The following CNTNAP2 variants were observed in gnomAD, a reference collection of about 807,000 sequenced individuals.
The protein encoded by CNTNAP2 is contactin associated protein 2.
CNTNAP2 carries 98 observed loss-of-function variants against 155.2 expected under a neutral mutation model. The observed-to-expected ratio is 0.63, with a 90% CI of 0.54 to 0.75. The LOEUF (loss-of-function observed/expected upper bound fraction) is 0.75, where lower values mean the gene tolerates loss of function less well. Among genes scored for constraint, CNTNAP2 ranks in the 30% least tolerant of loss-of-function variants. The pLI is 0.00. For missense variants in CNTNAP2, 1,727 were observed against 1,688.1 expected (o/e 1.02, Z -0.40); for synonymous variants, 651 against 631.2 (o/e 1.03, Z -0.47).
intron 14 of CNTNAP2, among the ~76,000 whole-genome samples, chr7:147,942,497 G>A (rs1463212350): frequency 2.0e-5 from 3 of 152,210 alleles, no homozygotes; most frequent in East Asian, 3.9e-4. Flanking sequence ...TTTAATATTC[G>A]TAGGAAGCCT....
chr7:146,295,130 A>G (rs1287525951), intron 1 of CNTNAP2, among the ~76,000 whole-genome samples: 1 of 152,204 alleles, frequency 6.6e-6, no homozygotes, highest in Admixed American at 6.5e-5. Flanking sequence ...GTAGTCAGTC[A>G]TAGTCACTAC....
chr7:148,006,993 A>T (rs1801994739), intron 15 of CNTNAP2, among the ~76,000 whole-genome samples: 1 of 152,174 alleles, frequency 6.6e-6, no homozygotes, highest in Non-Finnish European at 1.5e-5. Context: ...TGTGCCTCTG[A>T]TTGGCCTTAT....
chr7:146,568,630 C>A (rs1355134323), intron 1 of CNTNAP2, among the ~76,000 whole-genome samples: 1 of 152,126 alleles, frequency 6.6e-6, no homozygotes, highest in Admixed American at 6.5e-5. Flanking sequence ...CATACAGATT[C>A]TTGATTCAAA....
chr7:146,638,041 T>C (rs1799628377), intron 1 of CNTNAP2, among the ~76,000 whole-genome samples: 1 of 152,220 alleles, frequency 6.6e-6, no homozygotes, highest in Non-Finnish European at 1.5e-5. Context: ...TAACCCATGC[T>C]GTGTAGGCAG....
Position 148,377,310 on chromosome 7 carries a change from G to A in CNTNAP2, c.3476-6339G>A, listed in dbSNP as rs752081734. Among the ~76,000 whole-genome samples, 4 of 67,060 alleles carry A rather than the reference G, an allele frequency of 6.0e-5. 2 individuals are homozygous for A. The Admixed American group carries it at 8.4e-4, about 14-fold the overall frequency. The allele number at this position is 67,060 out of a possible 152,430, so 44.0% of individuals were successfully genotyped here. ...ACCACCCAGGCAGTGATTTCAAACC[G>A]ACTTTCTACTTATTCCACAAGGTAC... On this transcript the variant is annotated intron_variant, in intron 21 of 23. Transcript: ENST00000361727.
intron 8 of CNTNAP2, among the ~76,000 whole-genome samples, chr7:147,295,580 C>A (rs531669372): frequency 9.2e-5 from 14 of 152,180 alleles, no homozygotes; most frequent in South Asian, 6.2e-4. Flanking sequence ...GAGCTTAGAA[C>A]TTTATACTAT....
intron 21 of CNTNAP2, among the ~76,000 whole-genome samples, chr7:148,300,853 A>T (rs1797374556): frequency 6.6e-6 from 1 of 151,960 alleles, no homozygotes; most frequent in South Asian, 2.1e-4. Flanking sequence ...GGTGACTGCC[A>T]GGGGCTGGGA....
intron 1 of CNTNAP2, among the ~76,000 whole-genome samples, chr7:146,336,193 C>A (rs1321301761): frequency 1.3e-5 from 2 of 148,734 alleles, no homozygotes; most frequent in African/African-American, 5.0e-5. Flanking sequence ...GAGTGAAACT[C>A]CGTCTAAAAA....
At chr7:147,390,883 G>A (rs147625782) in intron 9 of CNTNAP2, among the ~76,000 whole-genome samples, 37 of 152,078 alleles carry the variant, frequency 2.4e-4, no homozygotes, top group African/African-American at 8.7e-4. Flanking sequence ...TCACCCTACA[G>A]CCCACAGAGA....
rs185902656 is a variant in CNTNAP2 at position 146,612,115 on chromosome 7, G to T, written c.98-162156G>T. Among the ~76,000 whole-genome samples the T allele has an allele frequency of 9.7e-4, 148 of 152,196 alleles. 1 individual carries two copies. The highest frequency in any genetic ancestry group is 1.8e-3 in the Non-Finnish European group (120 of 67,996). On this transcript the variant is annotated intron_variant, in intron 1 of 23. Transcript: ENST00000361727. ...ACAATAGGACTCATGTAATAGTGTC[G>T]TGAGGATTAAATTAGATTTAGAATC... is the stretch of plus-strand genomic sequence containing the variant.
chr7:147,970,591 G>T (rs1476182766), intron 14 of CNTNAP2, among the ~76,000 whole-genome samples: 2 of 152,106 alleles, frequency 1.3e-5, no homozygotes, highest in African/African-American at 4.8e-5. Flanking sequence ...GAGATACAAA[G>T]ATTTAGAGGT....
chr7:147,923,130 A>G (rs1308745698), intron 14 of CNTNAP2, among the ~76,000 whole-genome samples: 1 of 152,046 alleles, frequency 6.6e-6, no homozygotes, highest in Non-Finnish European at 1.5e-5. Context: ...GGGAGATGAG[A>G]CCACTGTCCA....
At chr7:146,663,924 AGCCTCCCT>A (rs1171990845) in intron 1 of CNTNAP2, among the ~76,000 whole-genome samples, 1 of 152,088 alleles carries the variant, frequency 6.6e-6, no homozygotes, top group Non-Finnish European at 1.5e-5. Context: ...GGTAAAAGCA[AGCCTCCCT>A]GCTTTCTTCC....
At chr7:147,734,711 T>G (rs1210472578) in intron 13 of CNTNAP2, among the ~76,000 whole-genome samples, 1 of 152,232 alleles carries the variant, frequency 6.6e-6, no homozygotes, top group Non-Finnish European at 1.5e-5. Context: ...ATTGGTCTAT[T>G]CAGAGATTCA....
At chr7:147,627,242 A>C (rs926830296) in intron 12 of CNTNAP2, among the ~76,000 whole-genome samples, 1 of 152,218 alleles carries the variant, frequency 6.6e-6, no homozygotes, top group Non-Finnish European at 1.5e-5. Context: ...TAATTCTGGT[A>C]ATGTAACAAA....
intron 1 of CNTNAP2, among the ~76,000 whole-genome samples, chr7:146,627,721 A>G (rs1281062216): frequency 6.6e-6 from 1 of 152,160 alleles, no homozygotes; most frequent in Non-Finnish European, 1.5e-5. Flanking sequence ...TTTGAATTAC[A>G]GTTATAATAT....
chr7:147,307,813 A>G (rs541138486), intron 9 of CNTNAP2, among the ~76,000 whole-genome samples: 1 of 152,306 alleles, frequency 6.6e-6, no homozygotes, highest in Non-Finnish European at 1.5e-5. Context: ...GCCTACATTC[A>G]TTCATTTATA....
intron 9 of CNTNAP2, among the ~76,000 whole-genome samples, chr7:147,320,074 G>A (rs1206017950): frequency 1.3e-5 from 2 of 152,114 alleles, no homozygotes; most frequent in African/African-American, 2.4e-5. Context: ...CATCTAGCAT[G>A]CAACCTCTAA....
intron 14 of CNTNAP2, among the ~76,000 whole-genome samples, chr7:147,915,266 C>A (rs898610367): frequency 6.9e-6 from 1 of 145,094 alleles, no homozygotes; most frequent in African/African-American, 2.5e-5. Context: ...CTCCGCTCAG[C>A]GGGCGCCGTG....
Sources: allele counts gnomAD v4.1 joint callset (sites outside exome capture counted in the v4.1 genomes callset), GRCh38; gene constraint gnomAD v4.1.1; transcripts MANE v1.5; gene names NCBI Gene and HGNC (gene_info 2026-07-23, HGNC 2026-07-21).